The following ASPRV1 variants were observed in gnomAD, a reference collection of about 807,000 sequenced individuals.
ASPRV1 encodes retroviral-like aspartic protease 1.
ASPRV1 carries 7 observed loss-of-function variants against 11.0 expected under a neutral mutation model. The observed-to-expected ratio is 0.64, with a 90% CI of 0.36 to 1.20. The LOEUF (loss-of-function observed/expected upper bound fraction) is 1.20. Ranked by LOEUF, ASPRV1 falls within the 50% of genes most tolerant of loss-of-function variation. ASPRV1 has a pLI of 0.02. For missense variants in ASPRV1, 299 were observed against 320.0 expected, an observed-to-expected ratio of 0.93 and a Z score of 0.50; for synonymous variants, 136 against 138.4, an observed-to-expected ratio of 0.98 and a Z score of 0.12.
chr2:70,022,539 G>C, the ASPRV1 span, among the ~76,000 whole-genome samples: 718 of 151,900 alleles, frequency 4.7e-3, 3 homozygotes, highest in African/African-American at 0.017. Flanking sequence ...CAAAAAAAAA[G>C]TTAGTGGGGG....
At chr2:70,010,536 G>A in the ASPRV1 span, among the ~76,000 whole-genome samples, 5 of 152,158 alleles carry the variant, frequency 3.3e-5, no homozygotes, top group African/African-American at 1.2e-4. Context: ...AGACAACGAG[G>A]CCACAAAGGT....
At chr2:70,083,852 A>C in the ASPRV1 span, among the ~76,000 whole-genome samples, 1 of 152,184 alleles carries the variant, frequency 6.6e-6, no homozygotes, top group Non-Finnish European at 1.5e-5. Context: ...AAAAGGGAGA[A>C]CTGAAACCCT....
At chr2:70,006,908 G>C in the ASPRV1 span, among the ~76,000 whole-genome samples, 1 of 152,162 alleles carries the variant, frequency 6.6e-6, no homozygotes, top group Non-Finnish European at 1.5e-5. Flanking sequence ...TACTAATCCA[G>C]AGTGCAGCCT....
At chr2:70,068,784 A>T in the ASPRV1 span, among the ~76,000 whole-genome samples, 221 of 149,620 alleles carry the variant, frequency 1.5e-3, no homozygotes, top group African/African-American at 3.3e-3. Flanking sequence ...AAAAAAAAAA[A>T]AAATAACAAA....
the ASPRV1 span, among the ~76,000 whole-genome samples, chr2:70,068,316 C>G: frequency 6.6e-6 from 1 of 152,192 alleles, no homozygotes; most frequent in South Asian, 2.1e-4. Flanking sequence ...GGCTGAAGTA[C>G]AGTCAGGCAA....
chr2:70,038,177 A>G, the ASPRV1 span, among the ~76,000 whole-genome samples: 1 of 152,264 alleles, frequency 6.6e-6, no homozygotes, highest in Non-Finnish European at 1.5e-5. Context: ...TCAAAACAAG[A>G]AATACCTTCA....
chr2:69,981,862 TTC>T, the ASPRV1 span, among the ~76,000 whole-genome samples: 1 of 152,144 alleles, frequency 6.6e-6, no homozygotes, highest in African/African-American at 2.4e-5. Context: ...CTCGGCTATT[TTC>T]TCTACTTTTA....
At chr2:70,003,348 TCA>T in the ASPRV1 span, 1 of 152,280 alleles carries the variant, frequency 6.6e-6, no homozygotes, top group Non-Finnish European at 1.5e-5. Context: ...AGGACCTGCC[TCA>T]CAGAGTGGTT....
At chr2:70,074,719 G>A in the ASPRV1 span, among the ~76,000 whole-genome samples, 2 of 151,978 alleles carry the variant, frequency 1.3e-5, no homozygotes, top group South Asian at 2.1e-4. Flanking sequence ...TTTTTCATAT[G>A]AGAAAAACAG....
chr2:70,027,259 CAA>C, the ASPRV1 span, among the ~76,000 whole-genome samples: 10,024 of 48,434 alleles, frequency 0.21, 207 homozygotes, highest in South Asian at 0.37. Context: ...CCCTGTCTCT[CAA>C]AAAAAAAAAA....
chr2:70,021,320 C>CTT, the ASPRV1 span, among the ~76,000 whole-genome samples: 9 of 137,624 alleles, frequency 6.5e-5, no homozygotes, highest in African/African-American at 1.3e-4. Context: ...TGAATAAATT[C>CTT]TTTTTTTTTT....
At chr2:70,087,132 C>G in the ASPRV1 span, 1 of 152,170 alleles carries the variant, frequency 6.6e-6, no homozygotes, top group Admixed American at 6.5e-5. Context: ...TCCGCCGGGG[C>G]TGCCCATGTC....
chr2:69,933,778 T>C, the ASPRV1 span, among the ~76,000 whole-genome samples: 3 of 152,234 alleles, frequency 2.0e-5, no homozygotes, highest in Non-Finnish European at 2.9e-5. Context: ...CTGAAGCCAT[T>C]TCCTTTCTTT....
chr2:70,047,389 C>A, the ASPRV1 span, among the ~76,000 whole-genome samples: 1 of 152,198 alleles, frequency 6.6e-6, no homozygotes, highest in Non-Finnish European at 1.5e-5. Flanking sequence ...GAGACAGCCA[C>A]TGTGGTGGGT....
At chr2:69,953,304 G>A in the ASPRV1 span, among the ~76,000 whole-genome samples, 21 of 152,330 alleles carry the variant, frequency 1.4e-4, no homozygotes, top group African/African-American at 4.8e-4. Flanking sequence ...GATGGACAGT[G>A]GTCAGTCCTG....
At chr2:70,043,714 TC>T in the ASPRV1 span, among the ~76,000 whole-genome samples, 2 of 152,252 alleles carry the variant, frequency 1.3e-5, no homozygotes, top group Non-Finnish European at 2.9e-5. Context: ...TTGCATCATT[TC>T]TTGGAAGCTG....
chr2:70,035,729 T>C, the ASPRV1 span, among the ~76,000 whole-genome samples: 13 of 151,318 alleles, frequency 8.6e-5, no homozygotes, highest in Non-Finnish European at 4.4e-5. Context: ...TGACTGCCAG[T>C]TGGAAAACTG....
At chr2:70,062,522 A>G in the ASPRV1 span, among the ~76,000 whole-genome samples, 1 of 152,200 alleles carries the variant, frequency 6.6e-6, no homozygotes, top group East Asian at 1.9e-4. Context: ...TCAAAACCAT[A>G]GCTCTAGGAA....
In ASPRV1 at chr2:69,961,081, C is replaced by T. The variant is rs779783710; in HGVS notation, c.356G>A (p.Gly119Asp). ...CACCAGGAACCTCACGGGCACTTTG[C>T]CAATCTTCCCCTTGAGATAGTAGCC... is the stretch of plus-strand genomic sequence containing the variant. ...GKGYYLKGKI[G>D]KVPVRFLVDS... Residue 119 changes from glycine (G) to aspartate (D), a missense_variant, in exon 1 of 1, where the codon GGC becomes GAC. Gly to Asp is a moderately conservative substitution (Grantham distance 94). Transcript: ENST00000320256. The T allele has an allele frequency of 2.5e-6, 4 of 1,613,726 alleles. No homozygotes were observed. The highest frequency in any genetic ancestry group is 2.2e-5 in the East Asian group (1 of 44,876).
Sources: gnomAD v4.1 joint callset for allele counts (sites outside exome capture counted in the v4.1 genomes callset) on GRCh38, gnomAD v4.1.1 for gene constraint, MANE v1.5 for transcripts, NCBI Gene and HGNC (gene_info 2026-07-23, HGNC 2026-07-21) for gene names.